ANKFN1: variants seen among roughly 807,000 people sequenced by gnomAD.
The protein encoded by ANKFN1 is ankyrin repeat and fibronectin type III domain containing 1.
ANKFN1 carries 74 observed loss-of-function variants against 108.7 expected under a neutral mutation model. That is an observed-to-expected ratio of 0.68 (90% CI 0.56 to 0.83). ANKFN1 has a LOEUF of 0.83. ANKFN1 is among the 40% of genes least tolerant of loss of function. The probability of loss-of-function intolerance (pLI) is 0.00; values close to 1 mark genes in which losing one functional copy is unlikely to be tolerated. For missense variants in ANKFN1, 1,505 were observed against 1,382.3 expected, an observed-to-expected ratio of 1.09 and a Z score of -1.41; for synonymous variants, 547 against 516.2, an observed-to-expected ratio of 1.06 and a Z score of -0.81.
intron 3 of ANKFN1, among the ~76,000 whole-genome samples, chr17:56,283,884 T>A (rs1211371666): frequency 6.6e-6 from 1 of 151,946 alleles, no homozygotes; most frequent in Non-Finnish European, 1.5e-5. Flanking sequence ...CCCAAAAACC[T>A]ATGGAAATAA....
intron 1 of ANKFN1, among the ~76,000 whole-genome samples, chr17:56,187,114 A>C (rs1253290544): frequency 6.6e-6 from 1 of 152,220 alleles, no homozygotes; most frequent in East Asian, 1.9e-4. Flanking sequence ...GAGCGTCTGC[A>C]CAACAAAAGA....
chr17:56,258,083 A>T (rs2043404524), intron 3 of ANKFN1: 1 of 152,242 alleles, frequency 6.6e-6, no homozygotes, highest in Non-Finnish European at 1.5e-5. Flanking sequence ...GAGTAAGAAG[A>T]GCTGGATAAG....
chr17:56,151,405 G>A (rs573698053), upstream of ANKFN1, among the ~76,000 whole-genome samples: 33 of 152,298 alleles, frequency 2.2e-4, no homozygotes, highest in Non-Finnish European at 4.0e-4. Flanking sequence ...TTGTGGCTAT[G>A]TGCCAGTTGT....
intron 3 of ANKFN1, among the ~76,000 whole-genome samples, chr17:56,303,283 A>G (rs1292690651): frequency 1.3e-5 from 2 of 152,218 alleles, no homozygotes; most frequent in East Asian, 3.9e-4. Context: ...ATTACATTCA[A>G]TAAATACCTA....
At chr17:56,221,775 C>T (rs1328966456) in intron 2 of ANKFN1, among the ~76,000 whole-genome samples, 1 of 152,236 alleles carries the variant, frequency 6.6e-6, no homozygotes, top group Non-Finnish European at 1.5e-5. Flanking sequence ...GAGTCCCCAA[C>T]ACCCTGGCTT....
chr17:56,122,435 C>T (rs1906680725), intron 4 of ANKFN1, among the ~76,000 whole-genome samples: 1 of 152,154 alleles, frequency 6.6e-6, no homozygotes, highest in Admixed American at 6.5e-5. Flanking sequence ...TTGTCTTGCT[C>T]TCTCAGCTGC....
intron 4 of ANKFN1, among the ~76,000 whole-genome samples, chr17:56,347,750 T>TG (rs2046143481): frequency 6.6e-6 from 1 of 151,800 alleles, no homozygotes; most frequent in African/African-American, 2.4e-5. Flanking sequence ...AAGGGACAGC[T>TG]GGGGGAGGAT....
chr17:56,393,268 T>G (rs1385520577), intron 8 of ANKFN1, among the ~76,000 whole-genome samples: 1 of 152,164 alleles, frequency 6.6e-6, no homozygotes. Context: ...AGTGGAAATT[T>G]CTCATTCTTT....
intron 3 of ANKFN1, among the ~76,000 whole-genome samples, chr17:56,253,463 C>T (rs943425376): frequency 3.9e-5 from 6 of 152,110 alleles, no homozygotes; most frequent in Non-Finnish European, 5.9e-5. Flanking sequence ...CCAGGCCGGG[C>T]GCAATGGTTC....
intron 1 of ANKFN1, 120 bp downstream of exon 1, chr17:56,153,650 A>G: frequency 7.5e-7 from 1 of 1,340,766 alleles, no homozygotes; most frequent in Admixed American, 1.7e-5. Flanking sequence ...GCTGGTGAGC[A>G]TCCATGGTCA....
intron 4 of ANKFN1, among the ~76,000 whole-genome samples, chr17:56,076,471 G>A (rs1240848178): frequency 1.3e-5 from 2 of 152,134 alleles, no homozygotes; most frequent in African/African-American, 4.8e-5. Context: ...TGTCATTATT[G>A]TTATAATTAC....
chr17:56,106,976 A>G (rs892085407), intron 4 of ANKFN1, among the ~76,000 whole-genome samples: 1 of 152,182 alleles, frequency 6.6e-6, no homozygotes, highest in Admixed American at 6.5e-5. Flanking sequence ...ACTGTCCCCA[A>G]GAACATCATG....
At chr17:56,217,760 A>AT (rs1915527542) in intron 2 of ANKFN1, among the ~76,000 whole-genome samples, 1 of 152,016 alleles carries the variant, frequency 6.6e-6, no homozygotes, top group African/African-American at 2.4e-5. Flanking sequence ...TTGAATAATA[A>AT]TTTTTTTCAG....
intron 3 of ANKFN1, among the ~76,000 whole-genome samples, chr17:56,309,834 T>G (rs1213371966): frequency 6.6e-6 from 1 of 152,160 alleles, no homozygotes. Flanking sequence ...TGTAAATGTG[T>G]TCTCTCTCTC....
chr17:56,201,880 C>T (rs1245675713), intron 1 of ANKFN1, among the ~76,000 whole-genome samples: 1 of 152,126 alleles, frequency 6.6e-6, no homozygotes, highest in East Asian at 1.9e-4. Context: ...TTAGCAATAG[C>T]AGAAAACTAC....
At chr17:56,477,465 T>C (rs775611438) in intron 15 of ANKFN1, 23 bp from the exon 16 acceptor site, 7 of 1,409,276 alleles carry the variant, frequency 5.0e-6, no homozygotes, top group Admixed American at 5.1e-5. Context: ...GTTTTCTTTT[T>C]TTTTTTTTTT....
intron 4 of ANKFN1, 100 bp downstream of exon 4, chr17:56,326,455 A>C: frequency 7.0e-7 from 1 of 1,436,826 alleles, no homozygotes; most frequent in Non-Finnish European, 9.2e-7. Context: ...CTTAAATGAT[A>C]CTTAAAAATC....
chr17:56,480,553 A>T, intron 16 of ANKFN1, 115 bp from the exon 17 acceptor site: 2 of 1,085,352 alleles, frequency 1.8e-6, no homozygotes, highest in Non-Finnish European at 1.3e-6. Flanking sequence ...AATTACACTG[A>T]GTTTTAACCA....
At chr17:56,161,766 T>TA (rs879759036) in intron 1 of ANKFN1, among the ~76,000 whole-genome samples, 275 of 135,510 alleles carry the variant, frequency 2.0e-3, no homozygotes, top group African/African-American at 3.4e-3. Context: ...TAGATTTCAG[T>TA]AAAAAAAAAA....
Sources: allele counts gnomAD v4.1 joint callset (sites outside exome capture counted in the v4.1 genomes callset), GRCh38; gene constraint gnomAD v4.1.1; transcripts MANE v1.5; gene names NCBI Gene and HGNC (gene_info 2026-07-23, HGNC 2026-07-21).